The following CADPS2 variants were observed in gnomAD, a reference collection of about 807,000 sequenced individuals.
CADPS2 encodes the protein calcium dependent secretion activator 2.
A neutral mutation model predicts 172.5 loss-of-function variants in CADPS2; 93 were observed. The observed-to-expected ratio is 0.54, with a 90% CI of 0.46 to 0.64. The LOEUF (loss-of-function observed/expected upper bound fraction) is 0.64, where lower values mean the gene tolerates loss of function less well. CADPS2 is among the 30% of genes least tolerant of loss of function. The probability of loss-of-function intolerance (pLI) is 0.00; values close to 1 mark genes in which losing one functional copy is unlikely to be tolerated. For missense variants in CADPS2, 1,420 were observed against 1,565.9 expected (o/e 0.91, Z 1.57); for synonymous variants, 546 against 555.2 (o/e 0.98, Z 0.23).
chr7:122,523,572 A>G (rs2060979405), intron 8 of CADPS2, among the ~76,000 whole-genome samples: 1 of 152,140 alleles, frequency 6.6e-6, no homozygotes, highest in Admixed American at 6.6e-5. Flanking sequence ...ATTTTTAAAA[A>G]TCAACCAACA....
chr7:122,335,587 G>C (rs1244778544), intron 28 of CADPS2, among the ~76,000 whole-genome samples: 1 of 152,196 alleles, frequency 6.6e-6, no homozygotes, highest in Non-Finnish European at 1.5e-5. Flanking sequence ...ATAGAGGTCA[G>C]TAGAGCAAAA....
At chr7:122,498,365 A>G (rs2058924399) in intron 9 of CADPS2, among the ~76,000 whole-genome samples, 1 of 152,142 alleles carries the variant, frequency 6.6e-6, no homozygotes, top group African/African-American at 2.4e-5. Context: ...TGTATTTCTT[A>G]TATCTGATAA....
At chr7:122,597,185 G>C (rs527446811) in intron 6 of CADPS2, among the ~76,000 whole-genome samples, 223 of 152,142 alleles carry the variant, frequency 1.5e-3, no homozygotes, top group Non-Finnish European at 2.5e-3. Context: ...GGCTTGGGGG[G>C]TCAAATATCC....
chr7:122,445,027 GC>G (rs1227334215), intron 15 of CADPS2, among the ~76,000 whole-genome samples: 1 of 152,122 alleles, frequency 6.6e-6, no homozygotes, highest in Non-Finnish European at 1.5e-5. Flanking sequence ...TTTGCAAATT[GC>G]CCTTGAACAT....
intron 2 of CADPS2, among the ~76,000 whole-genome samples, chr7:122,686,489 C>A (rs1178709179): frequency 1.3e-5 from 2 of 152,170 alleles, no homozygotes; most frequent in African/African-American, 4.8e-5. Context: ...GCATTAGAAT[C>A]AGCTGGAGGA....
At chr7:122,718,342 G>A (rs1461188414) in intron 2 of CADPS2, among the ~76,000 whole-genome samples, 4 of 151,942 alleles carry the variant, frequency 2.6e-5, no homozygotes, top group Admixed American at 2.6e-4. Context: ...GAGGATGTGG[G>A]AGGGGCAAAA....
At chr7:122,431,769 TC>T (rs1442986935) in intron 17 of CADPS2, among the ~76,000 whole-genome samples, 1 of 151,990 alleles carries the variant, frequency 6.6e-6, no homozygotes, top group Non-Finnish European at 1.5e-5. Flanking sequence ...GGTGGGTGGA[TC>T]ACGAGGTCAG....
At chr7:122,662,806 A>G (rs1563997199) in intron 3 of CADPS2, among the ~76,000 whole-genome samples, 2 of 152,222 alleles carry the variant, frequency 1.3e-5, no homozygotes, top group Admixed American at 6.5e-5. Flanking sequence ...TTAAATAAAA[A>G]AATTTGAAAT....
chr7:122,668,924 T>C (rs996968320), intron 2 of CADPS2, among the ~76,000 whole-genome samples: 9 of 152,192 alleles, frequency 5.9e-5, no homozygotes, highest in Non-Finnish European at 1.5e-5. Context: ...TGACATGCAT[T>C]TATTGTCCAT....
intron 11 of CADPS2, among the ~76,000 whole-genome samples, chr7:122,481,162 C>CTTTTTTTTTTTTT (rs35352953): frequency 9.3e-6 from 1 of 107,544 alleles, no homozygotes; most frequent in South Asian, 3.2e-4. Context: ...TTTCTTCATT[C>CTTTTTTTTTTTTT]TTTTTTTTTT....
intron 19 of CADPS2, 47 bp from the exon 20 acceptor site, chr7:122,407,743 G>A (rs769473027): frequency 2.6e-6 from 4 of 1,509,648 alleles, no homozygotes; most frequent in Non-Finnish European, 2.7e-6. Context: ...TTACTTTTTA[G>A]AAACATGCAC....
chr7:122,435,350 A>C (rs1336180934), intron 17 of CADPS2, among the ~76,000 whole-genome samples: 5 of 152,192 alleles, frequency 3.3e-5, no homozygotes, highest in African/African-American at 9.6e-5. Flanking sequence ...AAAGAAACTG[A>C]ATAGACATTG....
At chr7:122,484,602 A>G (rs745837622) in intron 11 of CADPS2, among the ~76,000 whole-genome samples, 1 of 152,102 alleles carries the variant, frequency 6.6e-6, no homozygotes, top group Non-Finnish European at 1.5e-5. Context: ...TCCTTTAGTT[A>G]TAACATCAAA....
At chr7:122,541,222 G>A (rs150659781) in intron 8 of CADPS2, among the ~76,000 whole-genome samples, 4,127 of 146,476 alleles carry the variant, frequency 0.028, 72 homozygotes, top group South Asian at 0.054. Flanking sequence ...TTTTTGAGAC[G>A]GAGTCTCACT....
intron 1 of CADPS2, among the ~76,000 whole-genome samples, chr7:122,870,647 GAAGAT>G (rs1364858884): frequency 4.6e-5 from 7 of 151,968 alleles, no homozygotes; most frequent in Non-Finnish European, 1.0e-4. Context: ...ACCACAAAAA[GAAGAT>G]AAGTTGGTGA....
chr7:122,636,448 T>C (rs1379438803), intron 3 of CADPS2, among the ~76,000 whole-genome samples: 2 of 147,054 alleles, frequency 1.4e-5, no homozygotes, highest in Non-Finnish European at 3.0e-5. Flanking sequence ...GCTCGTAAGG[T>C]TTCCACAAGA....
intron 20 of CADPS2, among the ~76,000 whole-genome samples, chr7:122,396,611 ACCTTT>A (rs775697762): frequency 1.4e-4 from 21 of 152,276 alleles, no homozygotes; most frequent in Non-Finnish European, 2.1e-4. Flanking sequence ...CTGTTGTCTT[ACCTTT>A]CATTTCCTGT....
At chr7:122,803,974 GAAAAAAA>G (rs869246600) in intron 1 of CADPS2, among the ~76,000 whole-genome samples, 5 of 85,122 alleles carry the variant, frequency 5.9e-5, no homozygotes, top group African/African-American at 1.7e-4. Context: ...GGCTTGAATG[GAAAAAAA>G]AAAAAAAAAA....
chr7:122,412,217 T>C (rs1443568511), intron 19 of CADPS2, among the ~76,000 whole-genome samples: 1 of 152,168 alleles, frequency 6.6e-6, no homozygotes, highest in Non-Finnish European at 1.5e-5. Context: ...TCACTGACTA[T>C]CCAGATATCA....
Sources: gnomAD v4.1 joint callset for allele counts (sites outside exome capture counted in the v4.1 genomes callset) on GRCh38, gnomAD v4.1.1 for gene constraint, MANE v1.5 for transcripts, NCBI Gene and HGNC (gene_info 2026-07-23, HGNC 2026-07-21) for gene names.